PLEKHA3: variants seen among roughly 807,000 people sequenced by gnomAD.
PLEKHA3 encodes pleckstrin homology domain containing A3, also known as pleckstrin homology domain-containing family A member 3.
Under a neutral mutation model 39.2 loss-of-function variants are expected in PLEKHA3, and 19 were observed. That is an observed-to-expected ratio of 0.48 (90% CI 0.34 to 0.71). PLEKHA3 has a LOEUF of 0.71. Ranked by LOEUF, PLEKHA3 falls within the 30% of genes least tolerant of loss-of-function variation. PLEKHA3 has a pLI of 0.01. For missense variants in PLEKHA3, 253 were observed against 359.5 expected (o/e 0.70, Z 2.40); for synonymous variants, 97 against 118.6 (o/e 0.82, Z 1.18).
At chr2:178,483,803 G>T (rs752998363) in intron 1 of PLEKHA3, among the ~76,000 whole-genome samples, 3 of 152,316 alleles carry the variant, frequency 2.0e-5, no homozygotes, top group South Asian at 2.1e-4. Context: ...TATCTGCAGG[G>T]TGTGATGGCC....
chr2:178,485,856 G>A (rs1685243802), intron 2 of PLEKHA3, 99 bp downstream of exon 2: 4 of 820,906 alleles, frequency 4.9e-6, no homozygotes, highest in South Asian at 4.5e-5. Flanking sequence ...AACCACGTAG[G>A]GATCATCTAA....
chr2:178,495,276 A>G (rs1402196269), intron 4 of PLEKHA3, among the ~76,000 whole-genome samples: 3 of 152,166 alleles, frequency 2.0e-5, no homozygotes, highest in South Asian at 2.1e-4. Context: ...AGTTTCATAC[A>G]TTGTTTAGGA....
chr2:178,501,980 G>A (rs1381625863), intron 7 of PLEKHA3, among the ~76,000 whole-genome samples: 1 of 151,878 alleles, frequency 6.6e-6, no homozygotes, highest in Non-Finnish European at 1.5e-5. Flanking sequence ...TTTTTCTTGT[G>A]GAAATGACAT....
rs1262694896 is a variant in PLEKHA3 at position 178,513,569 on chromosome 2, A to C, written c.*9682A>C. 6.6e-6 allele frequency: 1 copy of C among 152,108 alleles called. No homozygotes were observed. Among genetic ancestry groups the C allele is most frequent in the Middle Eastern group, 3.2e-3 (1 of 316 alleles). 9.4% of individuals were successfully genotyped at this position (152,108 alleles called of 1,614,324 possible). On this transcript the variant is annotated 3_prime_UTR_variant, in exon 8 of 8. Transcript: ENST00000234453. ...TTAATTGTGTATGCGTGAGTGTGAC[A>C]GTGTGTGTGCCTGTGTCTCTATCTG...
At chr2:178,499,019 G>T (rs370995981) in intron 5 of PLEKHA3, among the ~76,000 whole-genome samples, 192 bp from the exon 6 acceptor site, 1 of 151,894 alleles carries the variant, frequency 6.6e-6, no homozygotes, top group African/African-American at 2.4e-5. Context: ...CCAATTAATG[G>T]TTATTAGGGA....
At chr2:178,502,872 G>T (rs1054022607) in intron 7 of PLEKHA3, among the ~76,000 whole-genome samples, 4 of 151,784 alleles carry the variant, frequency 2.6e-5, no homozygotes, top group Admixed American at 6.6e-5. Flanking sequence ...AAATTAGCAA[G>T]TATAGACTAG....
At chr2:178,486,446 G>C (rs1685251457) in intron 2 of PLEKHA3, among the ~76,000 whole-genome samples, 1 of 152,128 alleles carries the variant, frequency 6.6e-6, no homozygotes. Flanking sequence ...CTCCTTCCTG[G>C]TCGTTTTCAT....
At position 178,509,418 on chromosome 2, in the gene PLEKHA3, T is replaced by C. The variant is rs1685649014; in HGVS notation, c.*5531T>C. ...TTAGAAAAGTGCTGGGCACGTAGTG[T>C]GTTGAATAAGTGTTAGTTATTAATA... On this transcript the variant is annotated 3_prime_UTR_variant, in exon 8 of 8. Coordinates refer to ENST00000234453, the MANE Select transcript of PLEKHA3 (RefSeq NM_019091.4). 6.6e-6 allele frequency: 1 copy of C among 152,088 alleles called. No individual in the cohort carries two copies. The highest frequency in any genetic ancestry group is 2.4e-5 in the African/African-American group (1 of 41,388). 9.4% of individuals were successfully genotyped at this position (152,088 alleles called of 1,614,324 possible). A position where few individuals can be genotyped will look rare whatever the true frequency, so the allele number is the denominator to read the frequency against.
chr2:178,516,327 T>C lies in PLEKHA3; in HGVS notation c.*12440T>C, dbSNP rs1431273626. ...AAAATAAACTTCATTTAAAAATATA[T>C]GTATACTTATTTTGTGAGTATTTTT... On this transcript the variant is annotated 3_prime_UTR_variant, in exon 8 of 8. Coordinates refer to ENST00000234453, the MANE Select transcript of PLEKHA3 (RefSeq NM_019091.4). The C allele has an allele frequency of 6.6e-6, 1 of 152,178 alleles. No individual in the cohort carries two copies. Among genetic ancestry groups the C allele is most frequent in the Non-Finnish European group, 1.5e-5 (1 of 68,014 alleles). The allele number at this position is 152,178 out of a possible 1,614,324, so 9.4% of individuals were successfully genotyped here. A position where few individuals can be genotyped will look rare whatever the true frequency, so the allele number is the denominator to read the frequency against.
intron 5 of PLEKHA3, among the ~76,000 whole-genome samples, chr2:178,497,155 C>T (rs1685462248): frequency 6.6e-6 from 1 of 151,202 alleles, no homozygotes; most frequent in African/African-American, 2.4e-5. Context: ...TACAGTGTTG[C>T]TGAAATTTAT....
chr2:178,487,363 C>T (rs1398719541), intron 2 of PLEKHA3, among the ~76,000 whole-genome samples: 2 of 152,176 alleles, frequency 1.3e-5, no homozygotes, highest in Non-Finnish European at 2.9e-5. Context: ...TAGGTGAGTA[C>T]AGGATTCAAA....
intron 3 of PLEKHA3, among the ~76,000 whole-genome samples, chr2:178,492,014 T>C (rs1182249042): frequency 1.3e-5 from 2 of 152,218 alleles, no homozygotes; most frequent in Admixed American, 6.5e-5. Flanking sequence ...ACTACTTTCC[T>C]AACACTGCCA....
rs1199704970 is a variant in PLEKHA3 at position 178,514,010 on chromosome 2, G to A, written c.*10123G>A. 1.3e-5 allele frequency: 2 copies of A among 152,102 alleles called. No individual in the cohort carries two copies. Among genetic ancestry groups the A allele is most frequent in the East Asian group, 3.9e-4 (2 of 5,190 alleles). 9.4% of individuals were successfully genotyped at this position (152,102 alleles called of 1,614,324 possible). A position where few individuals can be genotyped will look rare whatever the true frequency, so the allele number is the denominator to read the frequency against. On this transcript the variant is annotated 3_prime_UTR_variant, in exon 8 of 8. Coordinates refer to ENST00000234453, the MANE Select transcript of PLEKHA3 (RefSeq NM_019091.4). Reference sequence around the variant, plus strand: ...GCATGCCTTCAGAATTGGCATCCTCGGGTGATTGTCCATAGCCTCTTGCAA... The same window carrying A: ...GCATGCCTTCAGAATTGGCATCCTCAGGTGATTGTCCATAGCCTCTTGCAA...
chr2:178,499,347 C>A, intron 6 of PLEKHA3, 93 bp downstream of exon 6: 1 of 1,270,646 alleles, frequency 7.9e-7, no homozygotes, highest in Non-Finnish European at 1.1e-6. Context: ...GGAATGTAAA[C>A]TCTGTATGGG....
At position 178,509,124 on chromosome 2, in the gene PLEKHA3, G is replaced by A. The variant is rs1685645111; in HGVS notation, c.*5237G>A. The A allele has an allele frequency of 6.5e-6, 1 of 152,844 alleles. No individual in the cohort carries two copies. The highest frequency in any genetic ancestry group is 1.9e-4 in the East Asian group (1 of 5,186). 9.5% of individuals were successfully genotyped at this position (152,844 alleles called of 1,614,324 possible). Reference sequence around the variant, plus strand: ...GTATAAACTTTGTTAAAATCTCATGGCTTTGTCGTCTGTGCTTTTTTGTGG... The same window carrying A: ...GTATAAACTTTGTTAAAATCTCATGACTTTGTCGTCTGTGCTTTTTTGTGG... On this transcript the variant is annotated 3_prime_UTR_variant, in exon 8 of 8. Coordinates refer to ENST00000234453, the MANE Select transcript of PLEKHA3 (RefSeq NM_019091.4).
chr2:178,494,287 C>T (rs952302577), intron 4 of PLEKHA3, among the ~76,000 whole-genome samples: 3 of 152,084 alleles, frequency 2.0e-5, no homozygotes, highest in African/African-American at 4.8e-5. Flanking sequence ...TCCAGGCTAG[C>T]GGCATAAATT....
At chr2:178,491,244 C>T (rs1281709228) in intron 3 of PLEKHA3, among the ~76,000 whole-genome samples, 2 of 152,170 alleles carry the variant, frequency 1.3e-5, no homozygotes, top group East Asian at 3.9e-4. Flanking sequence ...TTCCCGACCT[C>T]AGGTAATCCG....
At chr2:178,495,256 C>G (rs943923870) in intron 4 of PLEKHA3, among the ~76,000 whole-genome samples, 2 of 152,054 alleles carry the variant, frequency 1.3e-5, no homozygotes, top group African/African-American at 4.8e-5. Context: ...CTTATTTTTT[C>G]TTAGAATCTA....
rs1428677014 is a variant in PLEKHA3, at chr2:178,506,787, A to G, written c.*2900A>G. ...GAGGGAGTGTCCTGGCCTGAAAGAA[A>G]GCCAGATTAGGCTGCAGGAGTTCCT... is the stretch of plus-strand genomic sequence containing the variant. On this transcript the variant is annotated 3_prime_UTR_variant, in exon 8 of 8. Transcript: ENST00000234453. 2 of 152,250 alleles carry G rather than the reference A, an allele frequency of 1.3e-5. No individual in the cohort carries two copies. The highest frequency in any genetic ancestry group is 2.9e-5 in the Non-Finnish European group (2 of 68,056). 9.4% of individuals were successfully genotyped at this position (152,250 alleles called of 1,614,324 possible).
Sources: gnomAD v4.1 joint callset for allele counts (sites outside exome capture counted in the v4.1 genomes callset) on GRCh38, gnomAD v4.1.1 for gene constraint, MANE v1.5 for transcripts, NCBI Gene and HGNC (gene_info 2026-07-23, HGNC 2026-07-21) for gene names.